Variants in EPHA6 observed in about 807,000 individuals in gnomAD.
The protein encoded by EPHA6 is ephrin type-A receptor 6.
Under a neutral mutation model 112.0 loss-of-function variants are expected in EPHA6, and 50 were observed. The observed-to-expected ratio is 0.45, with a 90% confidence interval of 0.36 to 0.56. The LOEUF is 0.56. Ranked by LOEUF, EPHA6 falls within the 20% of genes least tolerant of loss-of-function variation. The pLI is 0.00. For missense variants in EPHA6, 1,280 were observed against 1,417.4 expected, an observed-to-expected ratio of 0.90 and a Z score of 1.56; for synonymous variants, 529 against 490.7, an observed-to-expected ratio of 1.08 and a Z score of -1.03.
intron 12 of EPHA6, among the ~76,000 whole-genome samples, chr3:97,604,992 G>A (rs2093670033): frequency 1.3e-5 from 2 of 151,468 alleles, no homozygotes; most frequent in South Asian, 2.1e-4. Flanking sequence ...GAAGAATTGG[G>A]CATTTAGTCC....
intron 11 of EPHA6, among the ~76,000 whole-genome samples, chr3:97,565,347 G>T (rs2093249470): frequency 6.6e-6 from 1 of 152,078 alleles, no homozygotes; most frequent in African/African-American, 2.4e-5. Flanking sequence ...TACAGTTTTT[G>T]TAAAGAGGAA....
chr3:97,037,623 A>G (rs2045152595), intron 3 of EPHA6, among the ~76,000 whole-genome samples: 1 of 152,096 alleles, frequency 6.6e-6, no homozygotes, highest in Non-Finnish European at 1.5e-5. Flanking sequence ...AAAACACTAA[A>G]GGATCATAAA....
chr3:97,554,244 G>A (rs534381669), intron 11 of EPHA6, among the ~76,000 whole-genome samples: 17 of 151,956 alleles, frequency 1.1e-4, no homozygotes, highest in African/African-American at 4.1e-4. Flanking sequence ...TATTATTAAA[G>A]GTAAAATCTG....
At chr3:97,279,364 G>C (rs758026060) in intron 5 of EPHA6, among the ~76,000 whole-genome samples, 1 of 151,924 alleles carries the variant, frequency 6.6e-6, no homozygotes, top group Non-Finnish European at 1.5e-5. Context: ...CATGAAAAGC[G>C]TGCTATTTTA....
intron 2 of EPHA6, among the ~76,000 whole-genome samples, chr3:96,971,300 T>G (rs2042309291): frequency 7.0e-6 from 1 of 143,654 alleles, no homozygotes; most frequent in South Asian, 2.1e-4. Context: ...TAAAACTTAA[T>G]TAGACTCAGC....
chr3:97,687,221 A>G (rs1004065300), intron 14 of EPHA6, among the ~76,000 whole-genome samples: 1 of 152,092 alleles, frequency 6.6e-6, no homozygotes, highest in Non-Finnish European at 1.5e-5. Flanking sequence ...AGTGCTTTAT[A>G]TATTTTAGTC....
intron 7 of EPHA6, among the ~76,000 whole-genome samples, chr3:97,455,264 T>C (rs6794933): frequency 0.12 from 18,943 of 152,082 alleles, 3,722 homozygotes; most frequent in African/African-American, 0.42. Flanking sequence ...GTTCTAATTA[T>C]GTTCCAATCA....
intron 11 of EPHA6, among the ~76,000 whole-genome samples, chr3:97,556,240 C>T (rs1289480494): frequency 2.0e-5 from 3 of 152,026 alleles, no homozygotes; most frequent in South Asian, 2.1e-4. Flanking sequence ...GGTGCTTCCT[C>T]GTGTGACCCT....
At chr3:96,863,493 G>T (rs1001672835) in intron 1 of EPHA6, among the ~76,000 whole-genome samples, 2 of 151,828 alleles carry the variant, frequency 1.3e-5, no homozygotes, top group African/African-American at 2.4e-5. Context: ...TGTCTGAAAT[G>T]CAAATTTGGA....
chr3:97,410,223 C>T (rs2087624946), intron 6 of EPHA6, among the ~76,000 whole-genome samples: 1 of 151,966 alleles, frequency 6.6e-6, no homozygotes, highest in African/African-American at 2.4e-5. Context: ...TATAGTTTTT[C>T]CACAGATAAC....
intron 3 of EPHA6, among the ~76,000 whole-genome samples, chr3:97,071,648 T>C (rs1246177328): frequency 6.6e-6 from 1 of 152,084 alleles, no homozygotes; most frequent in East Asian, 1.9e-4. Flanking sequence ...CCTGGGTCCC[T>C]CCCACAACAT....
At chr3:96,864,889 G>T (rs1221459428) in intron 1 of EPHA6, among the ~76,000 whole-genome samples, 1 of 152,026 alleles carries the variant, frequency 6.6e-6, no homozygotes, top group African/African-American at 2.4e-5. Flanking sequence ...AATGAATTAA[G>T]ATATTGTAAG....
chr3:97,668,944 A>AAAT (rs2030474528), intron 14 of EPHA6, among the ~76,000 whole-genome samples: 1 of 147,250 alleles, frequency 6.8e-6, no homozygotes, highest in Non-Finnish European at 1.5e-5. Flanking sequence ...AAAAAAAAAA[A>AAAT]TCCACTAAGT....
At chr3:97,038,671 C>G (rs1327566045) in intron 3 of EPHA6, among the ~76,000 whole-genome samples, 1 of 152,050 alleles carries the variant, frequency 6.6e-6, no homozygotes, top group Non-Finnish European at 1.5e-5. Context: ...GAATATTTGT[C>G]TCTTCAGACA....
At chr3:97,024,246 A>C (rs1330689313) in intron 3 of EPHA6, among the ~76,000 whole-genome samples, 1 of 152,082 alleles carries the variant, frequency 6.6e-6, no homozygotes, top group Non-Finnish European at 1.5e-5. Flanking sequence ...CATATGTTTA[A>C]ATTTTTACTT....
rs572138003 is a variant in EPHA6 at position 97,561,507 on chromosome 3, T to C, written c.2386+28964T>C. Among the ~76,000 whole-genome samples the C allele has an allele frequency of 3.9e-5, 6 of 152,162 alleles. No individual in the cohort carries two copies. The South Asian group carries it at 1.0e-3, about 26-fold the overall frequency. ...GAGAGCAAGGCCCTCTCTTCAATTC[T>C]ATGAGGGCTGAGAGAGTTGAAGAAA... is the stretch of plus-strand genomic sequence containing the variant. On this transcript the variant is annotated intron_variant, in intron 11 of 17. Transcript: ENST00000389672.
intron 3 of EPHA6, among the ~76,000 whole-genome samples, chr3:97,015,521 A>G (rs2044234927): frequency 6.6e-6 from 1 of 152,220 alleles, no homozygotes; most frequent in South Asian, 2.1e-4. Flanking sequence ...TAAGTGTTGT[A>G]AGGGGAAAAA....
intron 2 of EPHA6, among the ~76,000 whole-genome samples, chr3:96,944,096 T>TC (rs2041125674): frequency 6.6e-6 from 1 of 152,150 alleles, no homozygotes; most frequent in Non-Finnish European, 1.5e-5. Flanking sequence ...CAGTTAACTC[T>TC]CCATGAAAGA....
rs538946555 is a variant in EPHA6, at chr3:96,963,437, C to T, written c.451-23893C>T. Among the ~76,000 whole-genome samples the T allele has an allele frequency of 1.7e-4, 26 of 152,282 alleles. No individual in the cohort carries two copies. The South Asian group carries it at 5.4e-3, about 32-fold the overall frequency. ...ATAGTCAAAACCCCTCTTCTTTTCA[C>T]CTTTCCAATATTGAGGACTTTGTTA... On this transcript the variant is annotated intron_variant, in intron 2 of 17. Coordinates refer to ENST00000389672, the MANE Select transcript of EPHA6 (RefSeq NM_001080448.3).
Sources: gnomAD v4.1 joint callset for allele counts (sites outside exome capture counted in the v4.1 genomes callset) on GRCh38, gnomAD v4.1.1 for gene constraint, MANE v1.5 for transcripts, NCBI Gene and HGNC (gene_info 2026-07-23, HGNC 2026-07-21) for gene names.